Variants in CIZ1 observed in about 807,000 individuals in gnomAD.
CIZ1 encodes the protein CDKN1A interacting zinc finger protein 1.
Under a neutral mutation model 118.6 loss-of-function variants are expected in CIZ1, and 58 were observed. The ratio of observed to expected loss-of-function variants is 0.49; its 90% CI spans 0.40 to 0.61. CIZ1 has a LOEUF of 0.61. Ranked by LOEUF, CIZ1 falls within the 20% of genes least tolerant of loss-of-function variation. The probability of loss-of-function intolerance (pLI) is 0.00; values close to 1 mark genes in which losing one functional copy is unlikely to be tolerated. For synonymous variants in CIZ1, 448 were observed against 443.4 expected (o/e 1.01, Z -0.13); for missense variants, 921 against 1,115.9 (o/e 0.83, Z 2.49).
Position 128,185,688 on chromosome 9 carries a change from C to T in CIZ1, c.447G>A (p.Gln149=). The change falls in exon 5 of 17, where the codon CAG becomes CAA. Residue 149 remains glutamine (Q), a synonymous_variant. Transcript: ENST00000372938. The part of the protein sequence containing the change: ...PPQLATPNLQ[Q]FFPQATRQSL... ...ACTGGCGAGTGGCCTGGGGAAAGAA[C>T]TGTTGCAAATTTGGAGTGGCCAGTT... 1 of 1,608,800 alleles carries T rather than the reference C, an allele frequency of 6.2e-7. No homozygotes were observed.
At chr9:128,192,378 A>AG (rs397801608), upstream of CIZ1, among the ~76,000 whole-genome samples, 2 of 150,074 alleles carry the variant, frequency 1.3e-5, no homozygotes, top group Non-Finnish European at 3.0e-5. Flanking sequence ...AAAAAAAAAA[A>AG]GTAAAAATTT....
chr9:128,167,026 G>A (rs1829516694), intron 15 of CIZ1, 69 bp downstream of exon 15: 1 of 1,578,656 alleles, frequency 6.3e-7, no homozygotes, highest in Admixed American at 1.8e-5. Context: ...CTGGGATATG[G>A]GAGGGTCATG....
Position 128,169,518 on chromosome 9 carries a change from A to T in CIZ1, c.2033T>A (p.Ile678Asn). 6.2e-7 allele frequency: 1 copy of T among 1,614,064 alleles called. No individual in the cohort carries two copies. Among genetic ancestry groups the T allele is most frequent in the Non-Finnish European group, 8.5e-7 (1 of 1,179,940 alleles). ...GAAGGGTCGCAAGGATTGTTTGGCA[A>T]TCTGGAAAAAGGCAGGCCAACCAAG... is the stretch of plus-strand genomic sequence containing the variant. ...IQHRRTQDHK[I>N]AKQSLRPFCT... The change falls in exon 13 of 17, where the codon ATT becomes AAT. Residue 678 changes from isoleucine (I) to asparagine (N), a missense_variant and splice_region_variant. Coordinates refer to ENST00000372938, the MANE Select transcript of CIZ1 (RefSeq NM_001131016.2).
At chr9:128,193,219 G>A (rs1833282945), upstream of CIZ1, among the ~76,000 whole-genome samples, 1 of 152,200 alleles carries the variant, frequency 6.6e-6, no homozygotes, top group Non-Finnish European at 1.5e-5. Flanking sequence ...GGACGTCGGC[G>A]CCTATGGGTG....
rs1433417794 is a variant in CIZ1, at chr9:128,178,818, C to T, written c.1389G>A (p.Glu463=). Residue 463 remains glutamate (E), a synonymous_variant, in exon 8 of 17, where the codon GAG becomes GAA. Coordinates refer to ENST00000372938, the MANE Select transcript of CIZ1 (RefSeq NM_001131016.2). ...VSVQPPEQTH[E]QPHTQPQVSL... is the part of the protein sequence containing the mutation. ...ACACCTGCGGCTGGGTGTGAGGCTG[C>T]TCATGGGTCTGCTCTGGTGGCTGTA... The T allele has an allele frequency of 1.2e-6, 2 of 1,614,172 alleles. No individual in the cohort carries two copies. The highest frequency in any genetic ancestry group is 1.6e-4 in the Middle Eastern group (1 of 6,062).
intron 1 of CIZ1, among the ~76,000 whole-genome samples, chr9:128,198,838 C>A (rs10435901): frequency 0.91 from 136,810 of 149,714 alleles, 63,166 homozygotes; most frequent in Non-Finnish European, 0.98. Context: ...CTCAAAAAAA[C>A]AAAAGGGTTT....
At chr9:128,178,231 C>T (rs546373101) in intron 9 of CIZ1, 138 bp downstream of exon 9, 61 of 1,082,790 alleles carry the variant, frequency 5.6e-5, no homozygotes, top group Middle Eastern at 2.1e-4. Flanking sequence ...GGCCACCCAT[C>T]CTAGGCAGAG....
At chr9:128,179,921 C>T (rs1343059880) in intron 7 of CIZ1, among the ~76,000 whole-genome samples, 10 of 151,284 alleles carry the variant, frequency 6.6e-5, no homozygotes, top group African/African-American at 2.4e-4. Flanking sequence ...ATCCGCCCGC[C>T]TCAGCCTCCC....
chr9:128,180,757 C>T lies in CIZ1; in HGVS notation c.646G>A (p.Glu216Lys), dbSNP rs1292638067. The T allele has an allele frequency of 3.1e-6, 5 of 1,610,292 alleles. No individual in the cohort carries two copies. The highest frequency in any genetic ancestry group is 4.2e-6 in the Non-Finnish European group (5 of 1,179,162). ...EDKSDPPEGS[E>K]EAAEPRMDTP... Reference sequence around the variant, plus strand: ...TCCATCCGGGGCTCTGCGGCTTCCTCAGACCCCTCTGGGGGGTCTGACTTG... The same window carrying T: ...TCCATCCGGGGCTCTGCGGCTTCCTTAGACCCCTCTGGGGGGTCTGACTTG... The change falls in exon 6 of 17, where the codon GAG (glutamate) becomes AAG (lysine). Residue 216 changes from glutamate (E) to lysine (K), a missense_variant. Transcript: ENST00000372938.
Position 128,203,415 on chromosome 9 carries a change from C to CGGAGCCGGGAGCGCTAGCG in CIZ1, c.-6+752_-6+770dup. On this transcript the variant is annotated intron_variant, in intron 1 of 17. Transcript: ENST00000372948. The surrounding 1 kb of genome is among the most constrained non-coding windows in gnomAD (Gnocchi z 5.3). ...GCGGCTGCAGCGGCGGAGCCGGAGT[C>CGGAGCCGGGAGCGCTAGCG]GGAGCCGGGAGCGCTAGCGGCAGCC... 7.3e-7 allele frequency: 1 copy of CGGAGCCGGGAGCGCTAGCG among 1,367,980 alleles called. No individual in the cohort carries two copies. Among genetic ancestry groups the CGGAGCCGGGAGCGCTAGCG allele is most frequent in the Non-Finnish European group, 9.4e-7 (1 of 1,058,366 alleles). 84.7% of individuals were successfully genotyped at this position (1,367,980 alleles called of 1,614,324 possible). A position where few individuals can be genotyped will look rare whatever the true frequency, so the allele number is the denominator to read the frequency against.
intron 11 of CIZ1, 54 bp from the exon 12 acceptor site, chr9:128,170,161 G>A (rs1185336148): frequency 1.2e-5 from 17 of 1,464,394 alleles, no homozygotes; most frequent in Non-Finnish European, 1.5e-5. Context: ...GACAGCAGCT[G>A]TCTGAGAGCG....
At chr9:128,169,653 C>A (rs1727875243) in intron 12 of CIZ1, 134 bp from the exon 13 acceptor site, 2 of 1,542,114 alleles carry the variant, frequency 1.3e-6, no homozygotes, top group Non-Finnish European at 1.7e-6. Flanking sequence ...CTGTGCTCCA[C>A]CCCTGCACTG....
chr9:128,181,741 G>A (rs1034434937), intron 5 of CIZ1, among the ~76,000 whole-genome samples: 36 of 140,952 alleles, frequency 2.6e-4, no homozygotes, highest in African/African-American at 9.1e-4. Context: ...AACAACACCC[G>A]CTACTTAGCA....
At chr9:128,193,066 C>A (rs1020733590), upstream of CIZ1, among the ~76,000 whole-genome samples, 3 of 152,182 alleles carry the variant, frequency 2.0e-5, no homozygotes, top group Non-Finnish European at 2.9e-5. Context: ...AGCGCCGCTC[C>A]AAAGCTCTGG....
At position 128,174,286 on chromosome 9, in the gene CIZ1, C is replaced by T. The variant is rs576836905; in HGVS notation, c.1943+2065G>A. 3.7e-4 allele frequency among the ~76,000 whole-genome samples: 57 copies of T among 152,306 alleles called. No individual in the cohort carries two copies. The South Asian group carries it at 0.012, about 31-fold the overall frequency. On this transcript the variant is annotated intron_variant, in intron 11 of 16. Transcript: ENST00000372938. Reference sequence around the variant, plus strand: ...CAGGGGATTGCTTCAGAAACGTGCACGTGACCACAATCAGATTAACCAGCA... The same window carrying T: ...CAGGGGATTGCTTCAGAAACGTGCATGTGACCACAATCAGATTAACCAGCA...
upstream of CIZ1, among the ~76,000 whole-genome samples, chr9:128,193,399 G>T (rs1833292815): frequency 6.6e-6 from 1 of 152,118 alleles, no homozygotes; most frequent in African/African-American, 2.4e-5. Flanking sequence ...AGTGAGGAGA[G>T]AGGGGCGAGT....
Position 128,166,692 on chromosome 9 carries a change from C to A in CIZ1, c.2487+67G>T. The A allele has an allele frequency of 6.2e-7, 1 of 1,607,014 alleles. No individual in the cohort carries two copies. The highest frequency in any genetic ancestry group is 1.1e-5 in the South Asian group (1 of 90,308). ...CACAAGAGGGAGTGGCCACTAGCCACCCGAATCAGCTTGGATTAAGACTAA... is the reference window on the plus strand; with the variant it reads ...CACAAGAGGGAGTGGCCACTAGCCAACCGAATCAGCTTGGATTAAGACTAA... On this transcript the variant is annotated intron_variant, in intron 16 of 16. Transcript: ENST00000372938. The surrounding 1 kb of genome is among the most constrained non-coding windows in gnomAD (Gnocchi z 4.4).
rs201636309 is a variant in CIZ1, at chr9:128,169,365, T to A, written c.2145+41A>T. ...CTACACAGCCTTGGCCAAGGCTCTGTACCTCTCTGGGCCCATGTCCTCTGA... is the reference window on the plus strand; with the variant it reads ...CTACACAGCCTTGGCCAAGGCTCTGAACCTCTCTGGGCCCATGTCCTCTGA... On this transcript the variant is annotated intron_variant, in intron 13 of 16. Transcript: ENST00000372938. The A allele has an allele frequency of 1.5e-4, 235 of 1,557,474 alleles. No individual in the cohort carries two copies. In the East Asian group the frequency reaches 5.2e-3, roughly 34 times the overall value.
In CIZ1 at chr9:128,203,404, G is replaced by T; in HGVS notation, c.-6+782C>A. 3 of 1,334,362 alleles carry T rather than the reference G, an allele frequency of 2.2e-6. No homozygotes were observed. The highest frequency in any genetic ancestry group is 1.8e-5 in the South Asian group (1 of 56,278). 82.7% of individuals were successfully genotyped at this position (1,334,362 alleles called of 1,614,324 possible). A position where few individuals can be genotyped will look rare whatever the true frequency, so the allele number is the denominator to read the frequency against. ...AGTCTGGGCGCGCGGCTGCAGCGGC[G>T]GAGCCGGAGTCGGAGCCGGGAGCGC... On this transcript the variant is annotated intron_variant, in intron 1 of 17. Coordinates refer to the CIZ1 transcript ENST00000372948. The surrounding 1 kb of genome is among the most constrained non-coding windows in gnomAD (Gnocchi z 5.3).
Sources: gnomAD v4.1 joint callset for allele counts (sites outside exome capture counted in the v4.1 genomes callset) on GRCh38, gnomAD v4.1.1 for gene constraint, Gnocchi (gnomAD v3.1) non-coding constraint, MANE v1.5 for transcripts, NCBI Gene and HGNC (gene_info 2026-07-23, HGNC 2026-07-21) for gene names.